SDK1: variants seen among roughly 807,000 people sequenced by gnomAD.
The protein encoded by SDK1 is sidekick cell adhesion molecule 1.
In SDK1, 157 loss-of-function variants were observed where a neutral mutation model predicts 245.5. The ratio of observed to expected loss-of-function variants is 0.64; its 90% confidence interval spans 0.56 to 0.73. The LOEUF is 0.73. SDK1 is among the 30% of genes least tolerant of loss of function. The pLI is 0.00. For missense variants in SDK1, 3,583 were observed against 3,002.3 expected (o/e 1.19, Z -4.52); for synonymous variants, 1,647 against 1,278.5 (o/e 1.29, Z -6.15).
rs113895242 is a variant in SDK1, at chr7:4,222,398, A to G, written c.5827+1034A>G. On this transcript the variant is annotated intron_variant, in intron 40 of 44. Coordinates refer to ENST00000404826, the MANE Select transcript of SDK1 (RefSeq NM_152744.4). ...CAATCTCTGCCTCCCGGGTTCAAGC[A>G]ATTCTCCTGCCTCAGCCTCCCGAGT... is the stretch of plus-strand genomic sequence containing the variant. 5.4e-4 allele frequency among the ~76,000 whole-genome samples: 82 copies of G among 152,146 alleles called. 2 individuals carry two copies. The highest frequency in any genetic ancestry group is 1.8e-3 in the African/African-American group (76 of 41,526).
rs756180206 is a variant in SDK1 at position 3,971,568 on chromosome 7, G to A, written c.1817G>A (p.Arg606His). ...GATHDPRVSL[R>H]YVWKKDNVAL... ...ACACATGACCCCCGGGTTTCACTCC[G>A]GTCAGCACAATCAGTTACAATGCTT... Residue 606 changes from arginine to histidine, a missense_variant and splice_region_variant, in exon 12 of 45, where the codon CGC (arginine) becomes CAC (histidine). By Grantham distance (29) the Arg-to-His change is conservative. Coordinates refer to ENST00000404826, the MANE Select transcript of SDK1 (RefSeq NM_152744.4). 6 of 1,605,204 alleles carry A rather than the reference G, an allele frequency of 3.7e-6. No homozygotes were observed. In the African/African-American group the frequency reaches 4.0e-5, roughly 11 times the overall value.
intron 1 of SDK1, among the ~76,000 whole-genome samples, chr7:3,555,846 C>G (rs1369624010): frequency 1.3e-5 from 2 of 152,074 alleles, no homozygotes; most frequent in Admixed American, 6.5e-5. Context: ...AAATGCAAAT[C>G]AAAACCATTA....
chr7:3,791,965 A>T (rs2115024377), intron 4 of SDK1, among the ~76,000 whole-genome samples: 2 of 151,960 alleles, frequency 1.3e-5, no homozygotes, highest in Middle Eastern at 6.8e-3. Flanking sequence ...CTTTCCAAAA[A>T]ATGCAAAAAA....
chr7:3,318,909 A>G (rs563686714), intron 1 of SDK1, among the ~76,000 whole-genome samples: 1 of 152,286 alleles, frequency 6.6e-6, no homozygotes, highest in South Asian at 2.1e-4. Flanking sequence ...TTCAGCTGGG[A>G]TAGAACTGAG....
At chr7:4,241,271 T>C (rs1786502010) in intron 42 of SDK1, among the ~76,000 whole-genome samples, 1 of 152,276 alleles carries the variant, frequency 6.6e-6, no homozygotes, top group African/African-American at 2.4e-5. Context: ...TACTTCCTGT[T>C]TTGTTAAATG....
intron 35 of SDK1, among the ~76,000 whole-genome samples, chr7:4,178,814 T>G (rs1245059936): frequency 6.6e-6 from 1 of 152,224 alleles, no homozygotes; most frequent in Non-Finnish European, 1.5e-5. Flanking sequence ...TTTTGAGACC[T>G]AAAGGGTTTG....
At chr7:3,366,119 G>C (rs1323175829) in intron 1 of SDK1, among the ~76,000 whole-genome samples, 1 of 150,782 alleles carries the variant, frequency 6.6e-6, no homozygotes, top group African/African-American at 2.4e-5. Context: ...GTTTATTTCT[G>C]TTTCTCTAAT....
At chr7:3,744,822 A>G (rs1172058758) in intron 4 of SDK1, among the ~76,000 whole-genome samples, 1 of 151,966 alleles carries the variant, frequency 6.6e-6, no homozygotes, top group Non-Finnish European at 1.5e-5. Flanking sequence ...AAAAAAACAA[A>G]CAAACAAAAA....
At chr7:3,365,414 A>C (rs1381303778) in intron 1 of SDK1, among the ~76,000 whole-genome samples, 2 of 152,190 alleles carry the variant, frequency 1.3e-5, no homozygotes, top group Non-Finnish European at 2.9e-5. Context: ...GAACTCTTTC[A>C]GTGGTCGGAA....
chr7:4,241,093 T>C (rs936038518), intron 42 of SDK1, among the ~76,000 whole-genome samples: 1 of 152,194 alleles, frequency 6.6e-6, no homozygotes, highest in Non-Finnish European at 1.5e-5. Flanking sequence ...TTTTAGAATG[T>C]GTTTTGCTAT....
intron 5 of SDK1, among the ~76,000 whole-genome samples, chr7:3,936,236 G>A (rs1780154357): frequency 6.6e-6 from 1 of 152,116 alleles, no homozygotes; most frequent in Non-Finnish European, 1.5e-5. Context: ...CTGGGGAGGA[G>A]GAAGTGGGGA....
chr7:4,110,605 A>G (rs1285416381), intron 22 of SDK1, 58 bp from the exon 23 acceptor site: 7 of 1,255,670 alleles, frequency 5.6e-6, no homozygotes, highest in Middle Eastern at 2.5e-4. Flanking sequence ...CATGGTCTAC[A>G]TGGCAGCCTC....
chr7:4,233,198 C>A, intron 40 of SDK1, 57 bp from the exon 41 acceptor site: 2 of 1,541,748 alleles, frequency 1.3e-6, no homozygotes, highest in Non-Finnish European at 1.8e-6. Flanking sequence ...GCATGGGGCT[C>A]GCATCTGGGA....
intron 5 of SDK1, among the ~76,000 whole-genome samples, chr7:3,890,644 TAA>T (rs751434855): frequency 2.4e-4 from 34 of 142,496 alleles, no homozygotes; most frequent in Admixed American, 2.8e-4. Context: ...TTGCTGTGGT[TAA>T]AAAAAAAAAA....
chr7:3,451,458 T>C (rs1176145811), intron 1 of SDK1, among the ~76,000 whole-genome samples: 1 of 152,060 alleles, frequency 6.6e-6, no homozygotes, highest in Non-Finnish European at 1.5e-5. Flanking sequence ...TCAGGGGACT[T>C]GGACACGGGG....
chr7:4,113,318 G>C lies in SDK1; in HGVS notation c.3464G>C (p.Gly1155Ala). 3.1e-6 allele frequency: 5 copies of C among 1,613,912 alleles called. No homozygotes were observed. Among genetic ancestry groups the C allele is most frequent in the Non-Finnish European group, 3.4e-6 (4 of 1,179,998 alleles). Residue 1155 changes from glycine (G) to alanine (A), a missense_variant, in exon 24 of 45, where the codon GGG becomes GCG. Transcript: ENST00000404826. ...CGAATGAAGCAAGTGAACATTGTTG[G>C]GCCGAGCCCCTACAGTCCGTCTTCC... ...RFRMKQVNIV[G>A]PSPYSPSSRV...
At chr7:3,302,530 G>A (rs1352567377) in intron 1 of SDK1, 1 of 152,008 alleles carries the variant, frequency 6.6e-6, no homozygotes. Context: ...AAGAGGATCT[G>A]CTGAATGGAA....
At position 4,232,461 on chromosome 7, in the gene SDK1, CTTTG is replaced by C. The variant is rs1263665341; in HGVS notation, c.5828-786_5828-783del. Among the ~76,000 whole-genome samples the C allele has an allele frequency of 6.2e-5, 3 of 48,382 alleles. No individual in the cohort carries two copies. The East Asian group carries it at 2.1e-3, about 34-fold the overall frequency. 31.7% of individuals were successfully genotyped at this position (48,382 alleles called of 152,430 possible). A position where few individuals can be genotyped will look rare whatever the true frequency, so the allele number is the denominator to read the frequency against. The stretch of plus-strand genomic sequence containing the variant: ...GTGAAGTCATAAAAATTGCAAAGTT[CTTTG>C]TTTGTTTTTTGAGATAGAGTCTCAC... On this transcript the variant is annotated intron_variant, in intron 40 of 44. Transcript: ENST00000404826.
At chr7:3,443,732 G>A (rs977030470) in intron 1 of SDK1, among the ~76,000 whole-genome samples, 1 of 152,214 alleles carries the variant, frequency 6.6e-6, no homozygotes, top group Non-Finnish European at 1.5e-5. Context: ...TGACCTTGAA[G>A]ATAGTAAATC....
Sources: gnomAD v4.1 joint callset for allele counts (sites outside exome capture counted in the v4.1 genomes callset) on GRCh38, gnomAD v4.1.1 for gene constraint, MANE v1.5 for transcripts, NCBI Gene and HGNC (gene_info 2026-07-23, HGNC 2026-07-21) for gene names.